XYLT1: variants seen among roughly 807,000 people sequenced by gnomAD.
The protein encoded by XYLT1 is beta-D-xylosyltransferase 1.
XYLT1 carries 36 observed loss-of-function variants against 91.3 expected under a neutral mutation model. The ratio of observed to expected loss-of-function variants is 0.39; its 90% CI spans 0.30 to 0.52. The LOEUF is 0.52. XYLT1 is among the 20% of genes least tolerant of loss of function. The pLI, the probability that XYLT1 is intolerant of heterozygous loss-of-function variation, is 0.68. For synonymous variants in XYLT1, 588 were observed against 532.0 expected (o/e 1.11, Z -1.45); for missense variants, 1,242 against 1,284.5 (o/e 0.97, Z 0.51).
chr16:17,131,552 G>A (rs1425113133), intron 9 of XYLT1, among the ~76,000 whole-genome samples: 1 of 152,184 alleles, frequency 6.6e-6, no homozygotes, highest in Non-Finnish European at 1.5e-5. Flanking sequence ...AGTGCTTCGT[G>A]CCTGCCCCGG....
intron 11 of XYLT1, among the ~76,000 whole-genome samples, chr16:17,115,377 A>ATAAG (rs1462816211): frequency 1.4e-5 from 2 of 146,198 alleles, no homozygotes; most frequent in African/African-American, 5.0e-5. Context: ...TCAGCTACTT[A>ATAAG]GGAGGCTGAG....
chr16:17,348,838 A>G (rs1020638369), intron 2 of XYLT1, among the ~76,000 whole-genome samples: 1 of 152,230 alleles, frequency 6.6e-6, no homozygotes, highest in East Asian at 1.9e-4. Flanking sequence ...TAAGCTCCGC[A>G]GTATGCACAG....
At chr16:17,160,312 C>A (rs1194748307) in intron 5 of XYLT1, among the ~76,000 whole-genome samples, 2 of 152,218 alleles carry the variant, frequency 1.3e-5, no homozygotes, top group African/African-American at 2.4e-5. Context: ...ACAATCAATG[C>A]ACGTCGTCCT....
chr16:17,167,756 C>A (rs955280530), intron 5 of XYLT1, among the ~76,000 whole-genome samples: 3 of 147,566 alleles, frequency 2.0e-5, no homozygotes, highest in African/African-American at 5.0e-5. Flanking sequence ...CCATCTCATG[C>A]ATGGATTCTA....
At chr16:17,381,832 C>A (rs866700415) in intron 1 of XYLT1, among the ~76,000 whole-genome samples, 1 of 152,136 alleles carries the variant, frequency 6.6e-6, no homozygotes, top group African/African-American at 2.4e-5. Context: ...GGAAACATTA[C>A]AGAAGGAGAA....
chr16:17,351,751 G>GGGT (rs1555499400), intron 2 of XYLT1, among the ~76,000 whole-genome samples: 2 of 149,384 alleles, frequency 1.3e-5, no homozygotes, highest in African/African-American at 5.0e-5. Flanking sequence ...TTTTTTTTTG[G>GGGT]GGGGGGGTGC....
chr16:17,417,281 A>C (rs1338143144), intron 1 of XYLT1, among the ~76,000 whole-genome samples: 2 of 152,150 alleles, frequency 1.3e-5, no homozygotes, highest in African/African-American at 4.8e-5. Flanking sequence ...TGGGAGAAAA[A>C]TGAAGTTTAG....
In XYLT1 at chr16:17,415,246, C is replaced by T. The variant is rs190299263; in HGVS notation, c.363+55188G>A. Among the ~76,000 whole-genome samples, 9 of 152,296 alleles carry T rather than the reference C, an allele frequency of 5.9e-5. No individual in the cohort carries two copies. The East Asian group carries it at 1.7e-3, about 29-fold the overall frequency. ...ATCTCCCCCATTTCTGATCCCCTCC[C>T]CTCCACTGCAACACATATATATTGA... On this transcript the variant is annotated intron_variant, in intron 1 of 11. Transcript: ENST00000261381.
intron 6 of XYLT1, among the ~76,000 whole-genome samples, chr16:17,142,327 G>A (rs931463256): frequency 6.6e-6 from 1 of 151,208 alleles, no homozygotes; most frequent in African/African-American, 2.4e-5. Flanking sequence ...ATGGGGCCTG[G>A]ATTACAAAAT....
chr16:17,218,610 C>T (rs1403900196), intron 3 of XYLT1, among the ~76,000 whole-genome samples: 1 of 152,162 alleles, frequency 6.6e-6, no homozygotes, highest in African/African-American at 2.4e-5. Context: ...AAAGATAGTG[C>T]TGCTGCTTCT....
intron 3 of XYLT1, among the ~76,000 whole-genome samples, chr16:17,217,079 G>T (rs2032874439): frequency 1.3e-5 from 2 of 152,110 alleles, no homozygotes; most frequent in South Asian, 4.1e-4. Context: ...CATGCAACAG[G>T]GTTCACAACA....
At chr16:17,272,246 C>G (rs1456257773) in intron 2 of XYLT1, among the ~76,000 whole-genome samples, 1 of 146,316 alleles carries the variant, frequency 6.8e-6, no homozygotes, top group South Asian at 2.2e-4. Context: ...ACTGCAACCT[C>G]GGCCTCCAAG....
intron 3 of XYLT1, among the ~76,000 whole-genome samples, chr16:17,241,658 T>C (rs1451159596): frequency 1.3e-5 from 2 of 152,250 alleles, no homozygotes; most frequent in Non-Finnish European, 2.9e-5. Context: ...ACGTTGGAAC[T>C]GATGGGGCAC....
chr16:17,117,140 A>C (rs919159418), intron 11 of XYLT1, among the ~76,000 whole-genome samples: 2 of 152,200 alleles, frequency 1.3e-5, no homozygotes, highest in South Asian at 4.1e-4. Context: ...TATTTACAAA[A>C]ACAGGTAGTG....
At chr16:17,306,324 A>G (rs1434894306) in intron 2 of XYLT1, among the ~76,000 whole-genome samples, 2 of 152,026 alleles carry the variant, frequency 1.3e-5, no homozygotes, top group African/African-American at 2.4e-5. Flanking sequence ...GCTACACACC[A>G]TTTTCACCCT....
At chr16:17,151,617 A>T (rs900763666) in intron 6 of XYLT1, among the ~76,000 whole-genome samples, 23 of 152,172 alleles carry the variant, frequency 1.5e-4, no homozygotes, top group African/African-American at 4.1e-4. Context: ...TAGGATAATC[A>T]GTGGCACATG....
At chr16:17,319,521 C>T (rs563331957) in intron 2 of XYLT1, among the ~76,000 whole-genome samples, 185 of 151,936 alleles carry the variant, frequency 1.2e-3, no homozygotes, top group African/African-American at 4.3e-3. Flanking sequence ...TGGCTCACTG[C>T]AACCTCTGCC....
At chr16:17,331,506 C>CAT (rs36038132) in intron 2 of XYLT1, among the ~76,000 whole-genome samples, 85,679 of 151,824 alleles carry the variant, frequency 0.56, 24,695 homozygotes, top group Admixed American at 0.64. Flanking sequence ...AACAGACACA[C>CAT]GTTTTCCATT....
intron 1 of XYLT1, among the ~76,000 whole-genome samples, chr16:17,382,739 A>G (rs985376089): frequency 6.6e-6 from 1 of 151,840 alleles, no homozygotes; most frequent in Non-Finnish European, 1.5e-5. Flanking sequence ...CATGCTCCAG[A>G]TAACAGTCCC....
Sources: allele counts gnomAD v4.1 joint callset (sites outside exome capture counted in the v4.1 genomes callset), GRCh38; gene constraint gnomAD v4.1.1; transcripts MANE v1.5; gene names NCBI Gene and HGNC (gene_info 2026-07-23, HGNC 2026-07-21).